Variants in GALNT17 observed in about 807,000 individuals in gnomAD.
The protein encoded by GALNT17 is UDP-GalNAc:polypeptide N-acetylgalactosaminyltransferase-like 3.
GALNT17 carries 29 observed loss-of-function variants against 63.7 expected under a neutral mutation model. The observed-to-expected ratio is 0.46, with a 90% CI of 0.34 to 0.62. GALNT17 has a LOEUF of 0.62. Ranked by LOEUF, GALNT17 falls within the 20% of genes least tolerant of loss-of-function variation. The probability of loss-of-function intolerance (pLI) is 0.01; values close to 1 mark genes in which losing one functional copy is unlikely to be tolerated. For missense variants in GALNT17, 603 were observed against 799.6 expected (o/e 0.75, Z 2.97); for synonymous variants, 305 against 318.3 (o/e 0.96, Z 0.45).
At chr7:71,274,892 A>T (rs2115717947) in intron 1 of GALNT17, among the ~76,000 whole-genome samples, 1 of 152,316 alleles carries the variant, frequency 6.6e-6, no homozygotes, top group East Asian at 1.9e-4. Context: ...AAAAATAGTT[A>T]TCCTGCCAAC....
At chr7:71,465,241 G>C (rs1787515929) in intron 5 of GALNT17, among the ~76,000 whole-genome samples, 1 of 152,052 alleles carries the variant, frequency 6.6e-6, no homozygotes, top group East Asian at 1.9e-4. Context: ...TCTCCTCAGG[G>C]GCTAATTTTG....
intron 3 of GALNT17, among the ~76,000 whole-genome samples, chr7:71,391,678 G>A (rs927630051): frequency 8.6e-5 from 13 of 152,040 alleles, no homozygotes; most frequent in Admixed American, 1.3e-4. Flanking sequence ...GTAGAGATGG[G>A]GTTTTGGCAT....
intron 3 of GALNT17, among the ~76,000 whole-genome samples, chr7:71,397,379 T>C (rs1251777053): frequency 6.6e-6 from 1 of 152,088 alleles, no homozygotes; most frequent in East Asian, 1.9e-4. Context: ...TCTGATCTTA[T>C]CAAGACCTAC....
chr7:71,552,510 G>A (rs373729995), intron 5 of GALNT17, among the ~76,000 whole-genome samples: 162 of 149,894 alleles, frequency 1.1e-3, no homozygotes, highest in South Asian at 8.7e-3. Flanking sequence ...GTGTAATCTC[G>A]GCTCATTACA....
At chr7:71,706,358 CT>C (rs1287775070) in intron 9 of GALNT17, among the ~76,000 whole-genome samples, 2 of 152,132 alleles carry the variant, frequency 1.3e-5, no homozygotes, top group African/African-American at 4.8e-5. Flanking sequence ...CCTAACAGAC[CT>C]CAGAAAGGAG....
chr7:71,508,974 A>G (rs6943641), intron 5 of GALNT17, among the ~76,000 whole-genome samples: 36,316 of 151,990 alleles, frequency 0.24, 4,468 homozygotes, highest in Middle Eastern at 0.37. Context: ...GTCTGCGTAC[A>G]TACAGCCTCT....
At chr7:71,138,325 GA>G (rs55792123) in intron 1 of GALNT17, among the ~76,000 whole-genome samples, 2 of 151,238 alleles carry the variant, frequency 1.3e-5, no homozygotes, top group East Asian at 3.9e-4. Context: ...TGGCTCAAAA[GA>G]AAAAAAAATC....
At chr7:71,439,445 T>G (rs73175291) in intron 5 of GALNT17, among the ~76,000 whole-genome samples, 23,042 of 152,166 alleles carry the variant, frequency 0.15, 1,810 homozygotes, top group Middle Eastern at 0.22. Context: ...TAGCTTTCCT[T>G]TGGAAGCAAA....
At position 71,416,926 on chromosome 7, in the gene GALNT17, C is replaced by T. The variant is rs140791872; in HGVS notation, c.764+863C>T. On this transcript the variant is annotated intron_variant, in intron 4 of 10. Transcript: ENST00000333538. ...GAATGTGAGAAATTGGTTGAGTGTACGGGGAGTAGAAGATTTTGGATGCAC... is the reference window on the plus strand; with the variant it reads ...GAATGTGAGAAATTGGTTGAGTGTATGGGGAGTAGAAGATTTTGGATGCAC... Among the ~76,000 whole-genome samples the T allele has an allele frequency of 1.4e-3, 212 of 152,128 alleles. 1 individual carries two copies. The highest frequency in any genetic ancestry group is 4.7e-3 in the African/African-American group (194 of 41,486).
At chr7:71,504,060 C>G (rs1244000683) in intron 5 of GALNT17, among the ~76,000 whole-genome samples, 2 of 152,190 alleles carry the variant, frequency 1.3e-5, no homozygotes, top group East Asian at 3.9e-4. Context: ...AACCCCATCT[C>G]TACCAAAAAT....
chr7:71,163,674 G>A (rs958248458), intron 1 of GALNT17, among the ~76,000 whole-genome samples: 1 of 152,184 alleles, frequency 6.6e-6, no homozygotes, highest in Non-Finnish European at 1.5e-5. Context: ...TGCTGTCACC[G>A]AAATGTTGAA....
intron 1 of GALNT17, among the ~76,000 whole-genome samples, chr7:71,291,625 AT>A (rs1324455583): frequency 6.6e-6 from 1 of 151,994 alleles, no homozygotes; most frequent in Non-Finnish European, 1.5e-5. Flanking sequence ...ATTTGTTCTA[AT>A]TGGTTTTTGC....
chr7:71,474,755 G>A (rs1216679709), intron 5 of GALNT17, among the ~76,000 whole-genome samples: 1 of 152,080 alleles, frequency 6.6e-6, no homozygotes, highest in Non-Finnish European at 1.5e-5. Flanking sequence ...TTCCACCCAA[G>A]ATACCCACAT....
chr7:71,497,000 C>G (rs188993538), intron 5 of GALNT17, among the ~76,000 whole-genome samples: 208 of 152,218 alleles, frequency 1.4e-3, no homozygotes, highest in Admixed American at 2.1e-3. Context: ...ATCACTTGAG[C>G]CCAGGACTTT....
chr7:71,186,449 A>G (rs1046589277), intron 1 of GALNT17, among the ~76,000 whole-genome samples: 1 of 152,216 alleles, frequency 6.6e-6, no homozygotes, highest in African/African-American at 2.4e-5. Flanking sequence ...CTCCTGGGGC[A>G]GGCCCAACTG....
At chr7:71,187,599 G>A (rs532148688) in intron 1 of GALNT17, among the ~76,000 whole-genome samples, 3 of 151,982 alleles carry the variant, frequency 2.0e-5, no homozygotes, top group Admixed American at 6.6e-5. Flanking sequence ...ACTTTTCATC[G>A]TGGAATTCTT....
At chr7:71,184,086 A>T (rs1788786815) in intron 1 of GALNT17, among the ~76,000 whole-genome samples, 1 of 152,192 alleles carries the variant, frequency 6.6e-6, no homozygotes, top group Non-Finnish European at 1.5e-5. Context: ...AGGTGTCCTT[A>T]TAAAAAGAGG....
At chr7:71,152,225 T>G (rs1788149083) in intron 1 of GALNT17, among the ~76,000 whole-genome samples, 1 of 152,214 alleles carries the variant, frequency 6.6e-6, no homozygotes, top group Non-Finnish European at 1.5e-5. Context: ...CTTTTTCTTT[T>G]TTTTCATTAG....
At chr7:71,309,501 T>G (rs897234670) in intron 1 of GALNT17, among the ~76,000 whole-genome samples, 3 of 152,148 alleles carry the variant, frequency 2.0e-5, no homozygotes, top group Admixed American at 1.3e-4. Flanking sequence ...AAACCATGCC[T>G]TCGTCTGGGT....
Sources: allele counts gnomAD v4.1 joint callset (sites outside exome capture counted in the v4.1 genomes callset), GRCh38; gene constraint gnomAD v4.1.1; transcripts MANE v1.5; gene names NCBI Gene and HGNC (gene_info 2026-07-23, HGNC 2026-07-21).